MFSD11: variants seen among roughly 807,000 people sequenced by gnomAD.
MFSD11 encodes UNC93-like protein MFSD11.
A neutral mutation model predicts 53.5 loss-of-function variants in MFSD11; 36 were observed. The ratio of observed to expected loss-of-function variants is 0.67; its 90% CI spans 0.52 to 0.89. MFSD11 has a LOEUF of 0.89. Ranked by LOEUF, MFSD11 falls within the 40% of genes least tolerant of loss-of-function variation. The probability of loss-of-function intolerance (pLI) is 0.00; values close to 1 mark genes in which losing one functional copy is unlikely to be tolerated. For missense variants in MFSD11, 530 were observed against 543.9 expected (o/e 0.97, Z 0.25); for synonymous variants, 186 against 184.9 (o/e 1.01, Z -0.05).
the MFSD11 span, among the ~76,000 whole-genome samples, chr17:76,786,877 G>A: frequency 6.6e-5 from 10 of 151,902 alleles, no homozygotes; most frequent in Non-Finnish European, 8.8e-5. Flanking sequence ...GTGCAGTGGC[G>A]CGATATTGGC....
At chr17:76,749,334 A>C (rs1295353322) in intron 7 of MFSD11, among the ~76,000 whole-genome samples, 1 of 151,468 alleles carries the variant, frequency 6.6e-6, no homozygotes, top group African/African-American at 2.4e-5. Flanking sequence ...GATTAGCCTG[A>C]GCAACATGGC....
chr17:76,786,147 T>A (rs1468857280), downstream of MFSD11, among the ~76,000 whole-genome samples: 3 of 148,726 alleles, frequency 2.0e-5, no homozygotes, highest in African/African-American at 7.3e-5. Flanking sequence ...TCTTCTAATT[T>A]TTTTTTTTTT....
intron 8 of MFSD11, among the ~76,000 whole-genome samples, chr17:76,766,259 G>C (rs911962308): frequency 6.6e-6 from 1 of 151,196 alleles, no homozygotes; most frequent in African/African-American, 2.4e-5. Context: ...TCTACTAAAA[G>C]TACAAAATAA....
At position 76,776,687 on chromosome 17, in the gene MFSD11, C is replaced by A; in HGVS notation, c.1185+146C>A. Reference sequence around the variant, plus strand: ...ATAGAGTCTCTCTCTGTCACTCAGGCTGGAGTGCAGTAGCGCAATCTTGAC... The same window carrying A: ...ATAGAGTCTCTCTCTGTCACTCAGGATGGAGTGCAGTAGCGCAATCTTGAC... On this transcript the variant is annotated intron_variant, in intron 12 of 12. Coordinates refer to ENST00000685175, the MANE Select transcript of MFSD11 (RefSeq NM_001242532.5). The surrounding 1 kb of genome is among the most constrained non-coding windows in gnomAD (Gnocchi z 4.2). 1 of 810,658 alleles carries A rather than the reference C, an allele frequency of 1.2e-6. No homozygotes were observed. The highest frequency in any genetic ancestry group is 1.8e-6 in the Non-Finnish European group (1 of 570,396). The allele number at this position is 810,658 out of a possible 1,614,324, so 50.2% of individuals were successfully genotyped here.
the MFSD11 span, chr17:76,799,042 AAAAAG>A: frequency 6.6e-6 from 1 of 152,186 alleles, no homozygotes; most frequent in African/African-American, 2.4e-5. Flanking sequence ...AAAAAAAAAA[AAAAAG>A]AAAATATGGA....
intron 7 of MFSD11, among the ~76,000 whole-genome samples, chr17:76,750,808 T>C (rs1598561495): frequency 7.0e-6 from 1 of 141,866 alleles, no homozygotes. Flanking sequence ...AAATGTAATC[T>C]TTTTTTTTTT....
intron 11 of MFSD11, among the ~76,000 whole-genome samples, chr17:76,775,392 C>G (rs887495532): frequency 6.6e-6 from 1 of 152,096 alleles, no homozygotes; most frequent in East Asian, 1.9e-4. Flanking sequence ...CCCACTAAAT[C>G]TTTTTCTTGA....
rs1366861765 is a variant in MFSD11 at position 76,755,710 on chromosome 17, G to GTGTATATATATGTGTATATGTATATATA, written c.682+1651_682+1678dup. ...TTCATAGTTTTTTACATATATATAT[G>GTGTATATATATGTGTATATGTATATATA]TGTATATATATGTGTATATGTATAT... On this transcript the variant is annotated intron_variant, in intron 8 of 12. Transcript: ENST00000685175. Among the ~76,000 whole-genome samples the GTGTATATATATGTGTATATGTATATATA allele has an allele frequency of 3.7e-4, 51 of 138,862 alleles. 1 individual carries two copies. Among genetic ancestry groups the GTGTATATATATGTGTATATGTATATATA allele is most frequent in the African/African-American group, 1.2e-3 (47 of 37,906 alleles). 91.1% of individuals were successfully genotyped at this position (138,862 alleles called of 152,430 possible).
At chr17:76,798,283 G>A in the MFSD11 span, among the ~76,000 whole-genome samples, 13 of 152,058 alleles carry the variant, frequency 8.5e-5, no homozygotes, top group Non-Finnish European at 1.8e-4. Flanking sequence ...GCTTGGGGTG[G>A]GGATGCAAAG....
intron 7 of MFSD11, among the ~76,000 whole-genome samples, chr17:76,750,813 T>C (rs1233239400): frequency 2.0e-5 from 3 of 151,448 alleles, no homozygotes; most frequent in Admixed American, 1.3e-4. Flanking sequence ...TAATCTTTTT[T>C]TTTTTTTTGA....
At chr17:76,784,573 C>T (rs532990428), downstream of MFSD11, among the ~76,000 whole-genome samples, 6 of 150,386 alleles carry the variant, frequency 4.0e-5, no homozygotes, top group South Asian at 8.4e-4. Context: ...TTTCTCCATA[C>T]GATGGAATGG....
intron 9 of MFSD11, among the ~76,000 whole-genome samples, chr17:76,768,357 T>C (rs921633615): frequency 3.4e-5 from 5 of 148,146 alleles, no homozygotes; most frequent in Non-Finnish European, 7.5e-5. Context: ...CATGTCATAA[T>C]GTGGTATGAT....
chr17:76,782,236 C>T (rs1401803918), downstream of MFSD11, among the ~76,000 whole-genome samples: 2 of 151,348 alleles, frequency 1.3e-5, no homozygotes, highest in Non-Finnish European at 2.9e-5. Flanking sequence ...AGTGCAATGG[C>T]GCGATCTCGG....
At chr17:76,765,452 CTTTTT>C (rs59878271) in intron 8 of MFSD11, among the ~76,000 whole-genome samples, 52 of 91,492 alleles carry the variant, frequency 5.7e-4, no homozygotes, top group African/African-American at 1.6e-3. Flanking sequence ...CTTGAATTTC[CTTTTT>C]TTTTTTTTTT....
the MFSD11 span, among the ~76,000 whole-genome samples, chr17:76,795,463 T>G: frequency 6.6e-6 from 1 of 151,852 alleles, no homozygotes; most frequent in Non-Finnish European, 1.5e-5. Flanking sequence ...TACTCCAGCC[T>G]GGGTGACAGA....
chr17:76,750,440 C>A (rs2078960914), intron 7 of MFSD11, among the ~76,000 whole-genome samples: 1 of 147,490 alleles, frequency 6.8e-6, no homozygotes, highest in South Asian at 2.1e-4. Context: ...GCAAACTCGG[C>A]TCCGCCTCCC....
At chr17:76,786,144 A>ATTT (rs1158677966), downstream of MFSD11, among the ~76,000 whole-genome samples, 2 of 130,888 alleles carry the variant, frequency 1.5e-5, no homozygotes, top group East Asian at 2.7e-4. Context: ...AGCTCTTCTA[A>ATTT]TTTTTTTTTT....
At chr17:76,795,143 A>G in the MFSD11 span, among the ~76,000 whole-genome samples, 3 of 152,248 alleles carry the variant, frequency 2.0e-5, no homozygotes, top group East Asian at 3.9e-4. Flanking sequence ...ACAATGGTGT[A>G]TAACAACTAT....
At chr17:76,744,175 G>C in intron 6 of MFSD11, 147 bp from the exon 7 acceptor site, 2 of 654,252 alleles carry the variant, frequency 3.1e-6, no homozygotes, top group Non-Finnish European at 4.8e-6. Flanking sequence ...TATCCTATTT[G>C]TCTCCTTTTC....
Sources: gnomAD v4.1 joint callset for allele counts (sites outside exome capture counted in the v4.1 genomes callset) on GRCh38, gnomAD v4.1.1 for gene constraint, Gnocchi (gnomAD v3.1) non-coding constraint, MANE v1.5 for transcripts, NCBI Gene and HGNC (gene_info 2026-07-23, HGNC 2026-07-21) for gene names.